The following ADGRL3 variants were observed in gnomAD, a reference collection of about 807,000 sequenced individuals.
The protein encoded by ADGRL3 is calcium-independent alpha-latrotoxin receptor 3.
ADGRL3 carries 62 observed loss-of-function variants against 153.5 expected under a neutral mutation model. The ratio of observed to expected loss-of-function variants is 0.40; its 90% confidence interval spans 0.33 to 0.50. The LOEUF (loss-of-function observed/expected upper bound fraction) is 0.50, where lower values mean the gene tolerates loss of function less well. ADGRL3 is among the 20% of genes least tolerant of loss of function. The pLI, the probability that ADGRL3 is intolerant of heterozygous loss-of-function variation, is 0.47. For synonymous variants in ADGRL3, 710 were observed against 672.5 expected, an observed-to-expected ratio of 1.06 and a Z score of -0.86; for missense variants, 1,641 against 1,859.4, an observed-to-expected ratio of 0.88 and a Z score of 2.16.
In ADGRL3 at chr4:61,935,022, T is replaced by C. The variant is rs2098832268; in HGVS notation, c.2295T>C (p.Ile765=). The change falls in exon 14 of 27, where the codon ATT becomes ATC. Residue 765 remains isoleucine, a splice_region_variant and synonymous_variant. Transcript: ENST00000683033. ...TTGTCAGGGAGAATACAGACAATATTAGTAAGTGGCCTTTGTTATTCAGAA... is the reference window on the plus strand; with the variant it reads ...TTGTCAGGGAGAATACAGACAATATCAGTAAGTGGCCTTTGTTATTCAGAA... The part of the protein sequence containing the change: ...TDIVRENTDN[I]KLEVARLSTE... 1.2e-6 allele frequency: 2 copies of C among 1,612,976 alleles called. No homozygotes were observed. The highest frequency in any genetic ancestry group is 1.3e-5 in the African/African-American group (1 of 74,870).
intron 2 of ADGRL3, among the ~76,000 whole-genome samples, chr4:61,384,873 A>G (rs2096718230): frequency 6.6e-6 from 1 of 152,074 alleles, no homozygotes; most frequent in African/African-American, 2.4e-5. Context: ...ACCCTCAGTG[A>G]TAGTATGTTA....
At chr4:61,705,536 T>G (rs192820751) in intron 6 of ADGRL3, among the ~76,000 whole-genome samples, 1,962 of 151,178 alleles carry the variant, frequency 0.013, 25 homozygotes, top group Non-Finnish European at 0.017. Flanking sequence ...CTTGCTCTGT[T>G]GCCAAGGCTG....
At chr4:61,485,551 T>C (rs377146285) in intron 2 of ADGRL3, among the ~76,000 whole-genome samples, 114 of 152,312 alleles carry the variant, frequency 7.5e-4, no homozygotes, top group Admixed American at 4.2e-3. Flanking sequence ...ACCCTCATGA[T>C]AACCAAACCT....
intron 5 of ADGRL3, among the ~76,000 whole-genome samples, chr4:61,629,721 C>CAAAAAAA (rs59504485): frequency 3.0e-5 from 1 of 33,446 alleles, no homozygotes; most frequent in African/African-American, 1.3e-4. Flanking sequence ...CGTCTCGGGG[C>CAAAAAAA]AAAAAAAAAA....
intron 8 of ADGRL3, among the ~76,000 whole-genome samples, chr4:61,757,727 A>G (rs1316095035): frequency 2.0e-5 from 3 of 152,212 alleles, no homozygotes; most frequent in South Asian, 2.1e-4. Flanking sequence ...TGTAAATTTT[A>G]GATCTTTCCT....
At chr4:61,642,143 T>G (rs2093708640) in intron 5 of ADGRL3, among the ~76,000 whole-genome samples, 1 of 149,078 alleles carries the variant, frequency 6.7e-6, no homozygotes. Context: ...TGTTTGTTTT[T>G]TTCTTGTAAA....
At chr4:61,220,370 G>A (rs942198781) in intron 1 of ADGRL3, among the ~76,000 whole-genome samples, 1 of 152,118 alleles carries the variant, frequency 6.6e-6, no homozygotes, top group Non-Finnish European at 1.5e-5. Flanking sequence ...TTTAGAATCA[G>A]AAGACTCTGA....
At chr4:61,459,093 A>G (rs1028179582) in intron 2 of ADGRL3, among the ~76,000 whole-genome samples, 3 of 151,462 alleles carry the variant, frequency 2.0e-5, no homozygotes, top group African/African-American at 7.2e-5. Flanking sequence ...TATAGAGAGA[A>G]TTTTTTTAAA....
intron 4 of ADGRL3, among the ~76,000 whole-genome samples, chr4:61,562,751 AC>A: frequency 6.6e-6 from 1 of 151,922 alleles, no homozygotes; most frequent in South Asian, 2.1e-4. Context: ...CCTCAAAATC[AC>A]CCATGAGGGT....
At chr4:61,779,245 AT>A (rs757608148) in intron 8 of ADGRL3, among the ~76,000 whole-genome samples, 5 of 151,304 alleles carry the variant, frequency 3.3e-5, no homozygotes, top group Admixed American at 2.0e-4. Flanking sequence ...ACTTAACTGA[AT>A]TTTTTTTTAA....
At chr4:61,364,770 A>G (rs923864070) in intron 1 of ADGRL3, among the ~76,000 whole-genome samples, 5 of 152,218 alleles carry the variant, frequency 3.3e-5, no homozygotes, top group Non-Finnish European at 7.3e-5. Context: ...TTGAGAGACA[A>G]TAATCATCAC....
At chr4:61,403,127 G>C (rs1237657055) in intron 2 of ADGRL3, among the ~76,000 whole-genome samples, 1 of 151,988 alleles carries the variant, frequency 6.6e-6, no homozygotes, top group Non-Finnish European at 1.5e-5. Context: ...CTGGGAAAAG[G>C]CTTCATCCTT....
chr4:61,893,877 C>G (rs1283540201), intron 10 of ADGRL3, among the ~76,000 whole-genome samples: 2 of 151,426 alleles, frequency 1.3e-5, no homozygotes. Context: ...CCGGCTAATT[C>G]TTTTTTGTAT....
intron 1 of ADGRL3, among the ~76,000 whole-genome samples, chr4:61,278,138 C>A (rs2093560212): frequency 1.3e-5 from 2 of 151,980 alleles, no homozygotes; most frequent in Non-Finnish European, 2.9e-5. Context: ...CTGATCCTTT[C>A]ATTTTTTTTT....
intron 21 of ADGRL3, among the ~76,000 whole-genome samples, chr4:62,012,188 T>G (rs919774400): frequency 6.6e-6 from 1 of 152,150 alleles, no homozygotes; most frequent in Admixed American, 6.6e-5. Context: ...TGTGAGGCAT[T>G]GAAGTTAAAC....
chr4:61,635,362 G>C (rs2093369975), intron 5 of ADGRL3, among the ~76,000 whole-genome samples: 4 of 152,148 alleles, frequency 2.6e-5, no homozygotes, highest in Admixed American at 2.0e-4. Flanking sequence ...AGTTAAGAGA[G>C]AAGTCTTCTA....
At chr4:61,828,888 T>C (rs928138858) in intron 9 of ADGRL3, among the ~76,000 whole-genome samples, 1 of 152,240 alleles carries the variant, frequency 6.6e-6, no homozygotes, top group African/African-American at 2.4e-5. Context: ...AAGAGCATAA[T>C]ATTTTATTTA....
At chr4:62,014,737 G>A (rs1276631176) in intron 21 of ADGRL3, among the ~76,000 whole-genome samples, 1 of 152,150 alleles carries the variant, frequency 6.6e-6, no homozygotes, top group Non-Finnish European at 1.5e-5. Flanking sequence ...AAAGGAGTCT[G>A]TAAAATGCTC....
At chr4:61,796,553 A>G (rs1385262505) in intron 8 of ADGRL3, among the ~76,000 whole-genome samples, 1 of 152,188 alleles carries the variant, frequency 6.6e-6, no homozygotes, top group African/African-American at 2.4e-5. Flanking sequence ...TGTATATATT[A>G]TGTGGATTCA....
Sources: allele counts gnomAD v4.1 joint callset (sites outside exome capture counted in the v4.1 genomes callset), GRCh38; gene constraint gnomAD v4.1.1; transcripts MANE v1.5; gene names NCBI Gene and HGNC (gene_info 2026-07-23, HGNC 2026-07-21).